The following ITPR1 variants were observed in gnomAD, a reference collection of about 807,000 sequenced individuals.
The protein encoded by ITPR1 is inositol 1,4,5-trisphosphate-gated calcium channel ITPR1.
ITPR1 carries 96 observed loss-of-function variants against 318.4 expected under a neutral mutation model. The ratio of observed to expected loss-of-function variants is 0.30; its 90% CI spans 0.26 to 0.36. The LOEUF is 0.36. Ranked by LOEUF, ITPR1 falls within the 10% of genes least tolerant of loss-of-function variation. The pLI, the probability that ITPR1 is intolerant of heterozygous loss-of-function variation, is 1.00. For missense variants in ITPR1, 2,440 were observed against 3,460.2 expected (o/e 0.71, Z 7.40); for synonymous variants, 1,312 against 1,289.9 (o/e 1.02, Z -0.37).
At chr3:4,560,137 C>T (rs1448523563) in intron 4 of ITPR1, among the ~76,000 whole-genome samples, 1 of 152,154 alleles carries the variant, frequency 6.6e-6, no homozygotes, top group Non-Finnish European at 1.5e-5. Flanking sequence ...CTTGGCACGT[C>T]CATGAATTAA....
At chr3:4,505,221 T>A (rs908608148) in intron 2 of ITPR1, among the ~76,000 whole-genome samples, 2 of 151,734 alleles carry the variant, frequency 1.3e-5, no homozygotes, top group African/African-American at 4.8e-5. Context: ...TGAGAAGGAG[T>A]CTCATCTGTC....
At chr3:4,589,111 TC>T (rs2090168513) in intron 4 of ITPR1, among the ~76,000 whole-genome samples, 1 of 152,122 alleles carries the variant, frequency 6.6e-6, no homozygotes, top group African/African-American at 2.4e-5. Context: ...TTGCTTGAGC[TC>T]AGGAGTTTGA....
At chr3:4,522,754 C>T (rs189050414) in intron 4 of ITPR1, among the ~76,000 whole-genome samples, 55 of 152,340 alleles carry the variant, frequency 3.6e-4, no homozygotes, top group African/African-American at 1.3e-3. Flanking sequence ...GGGACAAGAT[C>T]AATTGACTGT....
chr3:4,819,811 GA>G (rs551219445), intron 60 of ITPR1, among the ~76,000 whole-genome samples: 16 of 151,304 alleles, frequency 1.1e-4, no homozygotes, highest in Non-Finnish European at 2.2e-4. Context: ...AAAGAAAGGA[GA>G]AAAAAAAATC....
intron 44 of ITPR1, among the ~76,000 whole-genome samples, chr3:4,740,513 T>G (rs900020557): frequency 2.0e-5 from 3 of 152,168 alleles, no homozygotes; most frequent in Non-Finnish European, 2.9e-5. Flanking sequence ...GGCACTCTCA[T>G]GGAGGGTTTG....
intron 30 of ITPR1, among the ~76,000 whole-genome samples, chr3:4,686,637 G>A (rs894999463): frequency 7.9e-5 from 12 of 152,184 alleles, no homozygotes; most frequent in Non-Finnish European, 1.3e-4. Flanking sequence ...ATCTGTGTGT[G>A]TACATGTGCA....
Position 4,710,685 on chromosome 3 carries a change from T to G in ITPR1, c.4991+212T>G, listed in dbSNP as rs925482645. ...TTTGTTTTGTTTTGTTTTGCTTTGT[T>G]TTTTGGTGAGAAGTTCTTATTTTCA... On this transcript the variant is annotated intron_variant, in intron 38 of 61. Transcript: ENST00000649015. This position sits in a 1 kb window ranked among gnomAD's most constrained non-coding sequence, Gnocchi z 4.2. 6.6e-6 allele frequency among the ~76,000 whole-genome samples: 1 copy of G among 152,204 alleles called. No individual in the cohort carries two copies. The highest frequency in any genetic ancestry group is 1.5e-5 in the Non-Finnish European group (1 of 68,038).
intron 54 of ITPR1, among the ~76,000 whole-genome samples, chr3:4,805,589 T>A (rs896965531): frequency 6.6e-6 from 1 of 152,132 alleles, no homozygotes; most frequent in Non-Finnish European, 1.5e-5. Context: ...ATATTTTTTT[T>A]CCCCCAAGAA....
chr3:4,618,298 C>T (rs1341715781), intron 4 of ITPR1, among the ~76,000 whole-genome samples: 2 of 152,150 alleles, frequency 1.3e-5, no homozygotes, highest in South Asian at 2.1e-4. Context: ...GCAACAATTT[C>T]AAATATTTTA....
chr3:4,584,639 A>G (rs1009757593), intron 4 of ITPR1, among the ~76,000 whole-genome samples: 1 of 151,858 alleles, frequency 6.6e-6, no homozygotes, highest in Non-Finnish European at 1.5e-5. Flanking sequence ...TTTCCCTCCC[A>G]GAATGCGGAG....
At position 4,778,825 on chromosome 3, in the gene ITPR1, C is replaced by G. The variant is rs368401362; in HGVS notation, c.6292-725C>G. On this transcript the variant is annotated intron_variant, in intron 48 of 61. Transcript: ENST00000649015. ...AACTAGGGGAAGAAATAAGACCACT[C>G]TCACTGTCCAAAAAAAGAAAAAAAA... 2.0e-5 allele frequency among the ~76,000 whole-genome samples: 3 copies of G among 152,278 alleles called. No homozygotes were observed. The South Asian group carries it at 6.2e-4, about 32-fold the overall frequency.
intron 44 of ITPR1, among the ~76,000 whole-genome samples, chr3:4,739,307 C>T (rs17728633): frequency 0.25 from 37,611 of 152,076 alleles, 4,863 homozygotes; most frequent in Non-Finnish European, 0.27. Context: ...TGGTGGAGCA[C>T]GGTCACTTCC....
At chr3:4,565,583 T>G (rs899827108) in intron 4 of ITPR1, among the ~76,000 whole-genome samples, 1 of 152,200 alleles carries the variant, frequency 6.6e-6, no homozygotes, top group African/African-American at 2.4e-5. Flanking sequence ...CCTTCCTGGT[T>G]GGGGTCAGCA....
intron 39 of ITPR1, among the ~76,000 whole-genome samples, chr3:4,714,793 A>G (rs184769914): frequency 2.6e-5 from 4 of 152,324 alleles, no homozygotes; most frequent in South Asian, 2.1e-4. Context: ...ATTCTTTATT[A>G]TCCTGTTCAA....
chr3:4,680,685 G>A lies in ITPR1; in HGVS notation c.3100G>A (p.Val1034Ile), dbSNP rs1211856965. ...CAGCAGCCAAGAAGGGCCAAGTAATGTACCAGGTTAGTGATTCAGAATGGA... is the reference window on the plus strand; with the variant it reads ...CAGCAGCCAAGAAGGGCCAAGTAATATACCAGGTTAGTGATTCAGAATGGA... Reference protein sequence around the residue: ...GNSSQEGPSNVPGALDFEHIE... With the variant: ...GNSSQEGPSNIPGALDFEHIE... Residue 1034 changes from valine to isoleucine, a missense_variant, in exon 25 of 62, where the codon GTA becomes ATA. This residue lies in a region of ITPR1 where 57 missense variants were observed against 46.2 expected (regional missense o/e 1.23). Transcript: ENST00000649015. 3 of 1,610,206 alleles carry A rather than the reference G, an allele frequency of 1.9e-6. No individual in the cohort carries two copies. Among genetic ancestry groups the A allele is most frequent in the Non-Finnish European group, 2.5e-6 (3 of 1,178,008 alleles).
chr3:4,545,026 G>A (rs945455699), intron 4 of ITPR1, among the ~76,000 whole-genome samples: 19 of 151,954 alleles, frequency 1.3e-4, no homozygotes, highest in Non-Finnish European at 2.6e-4. Context: ...GAACTCCTGG[G>A]CTCTAGCAAT....
At chr3:4,765,946 T>C (rs938726578) in intron 44 of ITPR1, among the ~76,000 whole-genome samples, 16 of 152,186 alleles carry the variant, frequency 1.1e-4, no homozygotes, top group African/African-American at 3.9e-4. Flanking sequence ...GATTTTGGAG[T>C]CACTATAGCA....
chr3:4,635,438 C>T (rs1388537085), intron 5 of ITPR1, among the ~76,000 whole-genome samples: 1 of 151,992 alleles, frequency 6.6e-6, no homozygotes, highest in Non-Finnish European at 1.5e-5. Context: ...CCTCCCGGGT[C>T]CACCCCTTTC....
At chr3:4,519,589 G>T (rs1336752296) in intron 3 of ITPR1, among the ~76,000 whole-genome samples, 1 of 152,202 alleles carries the variant, frequency 6.6e-6, no homozygotes, top group Non-Finnish European at 1.5e-5. Context: ...CAAGCATTAT[G>T]TTAGCTCTGG....
Sources: allele counts gnomAD v4.1 joint callset (sites outside exome capture counted in the v4.1 genomes callset), GRCh38; gene constraint gnomAD v4.1.1; regional missense constraint gnomAD v4.1.1; non-coding constraint Gnocchi (gnomAD v3.1); transcripts MANE v1.5; gene names NCBI Gene and HGNC (gene_info 2026-07-23, HGNC 2026-07-21).